RILPL1: variants seen among roughly 807,000 people sequenced by gnomAD.
RILPL1 encodes the protein RILP-like protein 1.
RILPL1 carries 33 observed loss-of-function variants against 50.3 expected under a neutral mutation model. That is an observed-to-expected ratio of 0.66 (90% CI 0.50 to 0.88). RILPL1 has a LOEUF of 0.88. Among genes scored for constraint, RILPL1 ranks in the 40% least tolerant of loss-of-function variants. The probability of loss-of-function intolerance (pLI) is 0.00; values close to 1 mark genes in which losing one functional copy is unlikely to be tolerated. For synonymous variants in RILPL1, 205 were observed against 228.6 expected (o/e 0.90, Z 0.93); for missense variants, 418 against 542.5 (o/e 0.77, Z 2.28).
At chr12:123,487,780 T>C (rs1368595097) in intron 4 of RILPL1, among the ~76,000 whole-genome samples, 1 of 152,238 alleles carries the variant, frequency 6.6e-6, no homozygotes, top group Admixed American at 6.5e-5. Context: ...TCTGGTTGTA[T>C]ACCTGGGAGT....
At chr12:123,506,835 T>C (rs1425614194) in intron 2 of RILPL1, among the ~76,000 whole-genome samples, 1 of 152,098 alleles carries the variant, frequency 6.6e-6, no homozygotes, top group African/African-American at 2.4e-5. Context: ...CTCCCACCGA[T>C]GGCCATGGGG....
chr12:123,515,318 T>C (rs963838421), intron 2 of RILPL1: 1 of 151,962 alleles, frequency 6.6e-6, no homozygotes, highest in Non-Finnish European at 1.5e-5. Context: ...AACAAATTTG[T>C]GTGTAGATAG....
chr12:123,481,771 G>A (rs866815486), intron 6 of RILPL1, among the ~76,000 whole-genome samples: 3 of 151,822 alleles, frequency 2.0e-5, no homozygotes, highest in East Asian at 1.9e-4. Context: ...TGGTCAGGCT[G>A]GTCTCAAACT....
At chr12:123,477,370 G>C (rs369305419) in intron 6 of RILPL1, among the ~76,000 whole-genome samples, 1 of 120,806 alleles carries the variant, frequency 8.3e-6, no homozygotes, top group African/African-American at 3.2e-5. Flanking sequence ...AGACAGTCTC[G>C]CTTTGCCACC....
intron 2 of RILPL1, among the ~76,000 whole-genome samples, chr12:123,501,217 C>T (rs1271018220): frequency 5.3e-5 from 8 of 152,056 alleles, no homozygotes; most frequent in Admixed American, 3.9e-4. Flanking sequence ...GCAGGAGGAT[C>T]GCTGAGGCTA....
intron 2 of RILPL1, chr12:123,513,998 TAG>T: frequency 6.6e-6 from 1 of 152,270 alleles, no homozygotes; most frequent in African/African-American, 2.4e-5. Context: ...AACACTGAGA[TAG>T]ACTGTTAAGT....
At chr12:123,499,091 A>G (rs182430234) in intron 3 of RILPL1, among the ~76,000 whole-genome samples, 1 of 152,268 alleles carries the variant, frequency 6.6e-6, no homozygotes, top group East Asian at 1.9e-4. Context: ...AGCACGCTGG[A>G]CCCTGCTAAG....
At position 123,498,829 on chromosome 12, in the gene RILPL1, A is replaced by C; in HGVS notation, c.580-64T>G. 1 of 1,454,450 alleles carries C rather than the reference A, an allele frequency of 6.9e-7. No individual in the cohort carries two copies. The highest frequency in any genetic ancestry group is 9.6e-7 in the Non-Finnish European group (1 of 1,045,764). The allele number at this position is 1,454,450 out of a possible 1,614,324, so 90.1% of individuals were successfully genotyped here. On this transcript the variant is annotated intron_variant, in intron 3 of 6. Transcript: ENST00000376874. The surrounding 1 kb of genome is among the most constrained non-coding windows in gnomAD (Gnocchi z 4.3). ...TGCGGTAGCTCAGGTTGTACACTGC[A>C]CAACGGCAAACCATCCATAGGTGTG...
chr12:123,504,431 G>C (rs1045325460), intron 2 of RILPL1, among the ~76,000 whole-genome samples: 9 of 152,274 alleles, frequency 5.9e-5, no homozygotes, highest in Middle Eastern at 6.8e-3. Context: ...CAGAACAGCA[G>C]GCGACGATGC....
intron 1 of RILPL1, among the ~76,000 whole-genome samples, chr12:123,530,791 TGGTACCAA>T (rs1188756829): frequency 6.6e-5 from 10 of 152,234 alleles, no homozygotes; most frequent in Non-Finnish European, 1.5e-4. Flanking sequence ...TGCAGAGCCA[TGGTACCAA>T]GAAGGGCACT....
intron 4 of RILPL1, among the ~76,000 whole-genome samples, chr12:123,486,018 C>T (rs1882309793): frequency 6.6e-6 from 1 of 152,156 alleles, no homozygotes; most frequent in Admixed American, 6.5e-5. Context: ...TGTTCGCCTT[C>T]CCAATAGCCG....
At chr12:123,475,999 G>A (rs1243429850) in intron 6 of RILPL1, 2 of 408,712 alleles carry the variant, frequency 4.9e-6, no homozygotes, top group South Asian at 2.6e-5. Flanking sequence ...CTCCTCCCGG[G>A]TTCAAGCGAT....
At chr12:123,497,152 C>T (rs1883082300) in intron 4 of RILPL1, among the ~76,000 whole-genome samples, 2 of 152,236 alleles carry the variant, frequency 1.3e-5, no homozygotes, top group African/African-American at 4.8e-5. Flanking sequence ...TCATATCCCC[C>T]TGTATGGAGA....
intron 1 of RILPL1, among the ~76,000 whole-genome samples, chr12:123,531,091 TGAA>T (rs1186003295): frequency 1.3e-5 from 2 of 149,628 alleles, no homozygotes; most frequent in African/African-American, 5.0e-5. Context: ...AATATCACCT[TGAA>T]GAGCCTTTGA....
intron 1 of RILPL1, among the ~76,000 whole-genome samples, chr12:123,531,115 G>GAAAAAAAAAAAAA (rs10592345): frequency 7.0e-6 from 1 of 143,642 alleles, no homozygotes. Context: ...GACTCTGCAG[G>GAAAAAAAAAAAAA]AAAAAAAAAA....
In RILPL1 at chr12:123,500,033, A is replaced by G. The variant is rs1437262919; in HGVS notation, c.461-497T>C. Among the ~76,000 whole-genome samples the G allele has an allele frequency of 5.4e-5, 8 of 149,402 alleles. No individual in the cohort carries two copies. In the East Asian group the frequency reaches 7.9e-4, roughly 15 times the overall value. On this transcript the variant is annotated intron_variant, in intron 2 of 6. Coordinates refer to ENST00000376874, the MANE Select transcript of RILPL1 (RefSeq NM_178314.5). ...TGCAGGCTCCTCCTCCCGGGTTCACACCATTCTCCTGCCTCAGCCTCCTGA... is the reference window on the plus strand; with the variant it reads ...TGCAGGCTCCTCCTCCCGGGTTCACGCCATTCTCCTGCCTCAGCCTCCTGA...
chr12:123,513,439 C>G (rs1566138426), intron 2 of RILPL1: 1 of 278,258 alleles, frequency 3.6e-6, no homozygotes, highest in Admixed American at 4.2e-5. Flanking sequence ...GCGGCTGGGT[C>G]TATGTGGAAG....
intron 4 of RILPL1, among the ~76,000 whole-genome samples, chr12:123,495,552 TTTTAGTAGAGATGGGG>T (rs1882973611): frequency 6.8e-6 from 1 of 147,060 alleles, no homozygotes; most frequent in African/African-American, 2.5e-5. Context: ...TTTTTTGTAT[TTTTAGTAGAGATGGGG>T]TTTCACCATG....
In RILPL1 at chr12:123,485,672, T is replaced by A. The variant is rs1882276883; in HGVS notation, c.935A>T (p.Lys312Met). Residue 312 changes from lysine (K) to methionine (M), a missense_variant, in exon 5 of 7, where the codon AAG becomes ATG. Transcript: ENST00000376874. The surrounding 1 kb of genome is among the most constrained non-coding windows in gnomAD (Gnocchi z 4.0). ...VLHERNELKSKVFLLQEELAY... is the reference protein window; with the variant it reads ...VLHERNELKSMVFLLQEELAY... ...CAGCTCCTCCTGCAGCAAGAACACCTTGGACTTGAGCTCGTTCCTCTCGTG... is the reference window on the plus strand; with the variant it reads ...CAGCTCCTCCTGCAGCAAGAACACCATGGACTTGAGCTCGTTCCTCTCGTG... 1.9e-6 allele frequency: 3 copies of A among 1,613,790 alleles called. No individual in the cohort carries two copies. The highest frequency in any genetic ancestry group is 2.5e-6 in the Non-Finnish European group (3 of 1,179,782).
Sources: allele counts gnomAD v4.1 joint callset (sites outside exome capture counted in the v4.1 genomes callset), GRCh38; gene constraint gnomAD v4.1.1; non-coding constraint Gnocchi (gnomAD v3.1); transcripts MANE v1.5; gene names NCBI Gene and HGNC (gene_info 2026-07-23, HGNC 2026-07-21).